The following MLC1 variants were observed in gnomAD, a reference collection of about 807,000 sequenced individuals.
The protein encoded by MLC1 is membrane protein MLC1.
MLC1 carries 32 observed loss-of-function variants against 44.7 expected under a neutral mutation model. That is an observed-to-expected ratio of 0.72 (90% confidence interval 0.54 to 0.96). The LOEUF is 0.96. Among genes scored for constraint, MLC1 ranks in the 40% least tolerant of loss-of-function variants. The probability of loss-of-function intolerance (pLI) is 0.00; values close to 1 mark genes in which losing one functional copy is unlikely to be tolerated. For synonymous variants in MLC1, 190 were observed against 213.0 expected (o/e 0.89, Z 0.94); for missense variants, 459 against 492.2 (o/e 0.93, Z 0.64).
chr22:50,064,321 T>C, intron 10 of MLC1, 123 bp from the exon 11 acceptor site: 1 of 1,155,600 alleles, frequency 8.7e-7, no homozygotes, highest in South Asian at 1.3e-5. Context: ...GGAGCCCCAG[T>C]AACCCAAACG....
chr22:50,075,106 C>G (rs76093749), intron 7 of MLC1, among the ~76,000 whole-genome samples: 2 of 147,140 alleles, frequency 1.4e-5, no homozygotes, highest in Non-Finnish European at 3.0e-5. Context: ...CCATCAGGGC[C>G]GCAACCAGCA....
chr22:50,080,260 A>G, intron 4 of MLC1, 84 bp downstream of exon 4: 1 of 1,472,342 alleles, frequency 6.8e-7, no homozygotes, highest in Non-Finnish European at 9.3e-7. Flanking sequence ...GTGCGTGGGC[A>G]CACACACAAG....
chr22:50,077,673 C>T (rs968179195), intron 5 of MLC1, among the ~76,000 whole-genome samples, 171 bp from the exon 6 acceptor site: 1 of 152,220 alleles, frequency 6.6e-6, no homozygotes, highest in African/African-American at 2.4e-5. Context: ...ACTCTCCTGC[C>T]TCACATGGGC....
intron 11 of MLC1, among the ~76,000 whole-genome samples, chr22:50,062,288 T>C (rs112333535): frequency 0.04 from 4,129 of 103,136 alleles, 467 homozygotes; most frequent in South Asian, 0.094. Context: ...GCCCCAGCCG[T>C]CCATCCTGAG....
intron 3 of MLC1, among the ~76,000 whole-genome samples, chr22:50,082,155 A>G (rs2146925956): frequency 6.6e-6 from 1 of 152,008 alleles, no homozygotes; most frequent in East Asian, 1.9e-4. Flanking sequence ...GACCAGCTGA[A>G]GCAGGAGGGG....
rs781004589 is a variant in MLC1, at chr22:50,074,229, C to T, written c.701G>A (p.Trp234Ter). The T allele has an allele frequency of 6.2e-7, 1 of 1,613,338 alleles. No homozygotes were observed. The highest frequency in any genetic ancestry group is 1.1e-5 in the South Asian group (1 of 90,904). ...GGGGTTACTCACGGCCACTAGGATC[C>T]AAAAGAACGTCACTGAGAGGTGTGG... ...SGPHLSVTFF[W>*]ILVACFPSAI... The change falls in exon 8 of 12, where the codon TGG (tryptophan) becomes TAG (stop). Residue 234 changes from tryptophan to a stop codon, truncating the protein, a stop_gained. Coordinates refer to ENST00000311597, the MANE Select transcript of MLC1 (RefSeq NM_015166.4). LOFTEE classifies it high-confidence loss of function.
chr22:50,065,746 G>A (rs985246930), intron 10 of MLC1, among the ~76,000 whole-genome samples: 5 of 152,214 alleles, frequency 3.3e-5, no homozygotes, highest in Non-Finnish European at 7.3e-5. Context: ...GAAGGTGGAC[G>A]GCCCCCATTG....
At chr22:50,065,068 G>C (rs1444926331) in intron 10 of MLC1, among the ~76,000 whole-genome samples, 1 of 152,120 alleles carries the variant, frequency 6.6e-6, no homozygotes, top group African/African-American at 2.4e-5. Context: ...GGGATTACAG[G>C]TACCCGCCAC....
chr22:50,073,259 A>C (rs1030928448), intron 8 of MLC1, among the ~76,000 whole-genome samples: 2 of 152,244 alleles, frequency 1.3e-5, no homozygotes, highest in Non-Finnish European at 2.9e-5. Flanking sequence ...ATAAGAGAGC[A>C]GGGGCAAAAT....
chr22:50,080,756 A>C (rs578213863), intron 3 of MLC1, among the ~76,000 whole-genome samples: 2 of 152,274 alleles, frequency 1.3e-5, no homozygotes, highest in Admixed American at 1.3e-4. Flanking sequence ...CTGATGTGCT[A>C]AAAAGATATT....
At chr22:50,068,580 G>T in intron 9 of MLC1, 25 bp from the exon 10 acceptor site, 1 of 1,394,428 alleles carries the variant, frequency 7.2e-7, no homozygotes, top group South Asian at 1.1e-5. Flanking sequence ...CGGGTTGCAG[G>T]ACCACGGCCG....
chr22:50,078,159 A>G (rs1438907990), intron 5 of MLC1, among the ~76,000 whole-genome samples: 1 of 151,756 alleles, frequency 6.6e-6, no homozygotes, highest in Admixed American at 6.6e-5. Context: ...CGCCCGGCTA[A>G]TTTTGTATTT....
chr22:50,079,969 C>T lies in MLC1; in HGVS notation c.372G>A (p.Thr124=), dbSNP rs779686635. The T allele has an allele frequency of 1.3e-5, 21 of 1,614,138 alleles. No homozygotes were observed. Among genetic ancestry groups the T allele is most frequent in the Admixed American group, 1.7e-5 (1 of 60,022 alleles). Residue 124 remains threonine (T), a synonymous_variant, in exon 5 of 12, where the codon ACG becomes ACA. Transcript: ENST00000311597. ...LFVSTFAVTT[T]CLIWFGCKLV... Reference sequence around the variant, plus strand: ...GTTTGCATCCAAACCAAATTAAACACGTAGTGGTCACAGCAAACGTGGAAA... The same window carrying T: ...GTTTGCATCCAAACCAAATTAAACATGTAGTGGTCACAGCAAACGTGGAAA...
intron 11 of MLC1, among the ~76,000 whole-genome samples, chr22:50,063,642 C>CT (rs1601967203): frequency 4.0e-5 from 6 of 150,412 alleles, no homozygotes; most frequent in East Asian, 3.9e-4. Context: ...ACCTCCCCAG[C>CT]GGGTGCTCCT....
intron 7 of MLC1, among the ~76,000 whole-genome samples, 181 bp downstream of exon 7, chr22:50,076,660 G>A (rs1416313626): frequency 1.3e-5 from 2 of 152,206 alleles, no homozygotes; most frequent in African/African-American, 4.8e-5. Flanking sequence ...TTCGCGATAA[G>A]GAAGGTTATT....
At chr22:50,082,990 C>T (rs953728075) in intron 3 of MLC1, 94 bp downstream of exon 3, 1 of 1,251,098 alleles carries the variant, frequency 8.0e-7, no homozygotes, top group Non-Finnish European at 1.2e-6. Flanking sequence ...GAATGAGGTA[C>T]AGGTGACAGA....
At position 50,083,867 on chromosome 22, in the gene MLC1, C is replaced by G. The variant is rs935550429; in HGVS notation, c.178-694G>C. On this transcript the variant is annotated intron_variant, in intron 2 of 11. Transcript: ENST00000311597. This position sits in a 1 kb window ranked among gnomAD's most constrained non-coding sequence, Gnocchi z 4.6. ...GGCCTGGGCGGGGGAGGGGCTGCGA[C>G]CAAGTCCAGGGCACCAGGTGGAGGA... Among the ~76,000 whole-genome samples, 5 of 152,132 alleles carry G rather than the reference C, an allele frequency of 3.3e-5. No individual in the cohort carries two copies. The highest frequency in any genetic ancestry group is 1.2e-4 in the African/African-American group (5 of 41,426).
intron 10 of MLC1, among the ~76,000 whole-genome samples, chr22:50,067,497 C>G: frequency 1.2e-5 from 1 of 86,504 alleles, no homozygotes; most frequent in Non-Finnish European, 2.5e-5. Context: ...TGACTCTATC[C>G]CCTGTCAGGC....
At chr22:50,073,087 G>A (rs1449210246) in intron 8 of MLC1, among the ~76,000 whole-genome samples, 2 of 151,224 alleles carry the variant, frequency 1.3e-5, no homozygotes, top group Non-Finnish European at 3.0e-5. Flanking sequence ...CAGTCCACCC[G>A]GCCATACCAT....
Sources: allele counts gnomAD v4.1 joint callset (sites outside exome capture counted in the v4.1 genomes callset), GRCh38; gene constraint gnomAD v4.1.1; non-coding constraint Gnocchi (gnomAD v3.1); transcripts MANE v1.5; gene names NCBI Gene and HGNC (gene_info 2026-07-23, HGNC 2026-07-21).